The following SMCHD1 variants were observed in gnomAD, a reference collection of about 807,000 sequenced individuals.
SMCHD1 encodes the protein structural maintenance of chromosomes flexible hinge domain containing 1.
In SMCHD1, 78 loss-of-function variants were observed where a neutral mutation model predicts 254.7. The ratio of observed to expected loss-of-function variants is 0.31; its 90% CI spans 0.26 to 0.37. SMCHD1 has a LOEUF of 0.37. Ranked by LOEUF, SMCHD1 falls within the 10% of genes least tolerant of loss-of-function variation. The pLI is 1.00. For missense variants in SMCHD1, 1,840 were observed against 2,408.1 expected, an observed-to-expected ratio of 0.76 and a Z score of 4.94; for synonymous variants, 766 against 794.9, an observed-to-expected ratio of 0.96 and a Z score of 0.61.
chr18:2,788,302 T>G (rs915921806), intron 45 of SMCHD1, among the ~76,000 whole-genome samples: 2 of 152,240 alleles, frequency 1.3e-5, no homozygotes, highest in Non-Finnish European at 2.9e-5. Flanking sequence ...AATATTACGT[T>G]GCAGACACCC....
chr18:2,751,464 A>C, intron 33 of SMCHD1, 71 bp downstream of exon 33: 1 of 809,484 alleles, frequency 1.2e-6, no homozygotes, highest in Non-Finnish European at 2.0e-6. Context: ...AGTCTCCTTT[A>C]ATGTAAATAT....
At position 2,766,047 on chromosome 18, in the gene SMCHD1, GCA is replaced by G. The variant is rs35376995; in HGVS notation, c.4719+2259_4719+2260del. ...CTCACTGTCTCACCCAGGCTGGAGT[GCA>G]GTGGCGCGATTGCCCCTCACTGCAA... On this transcript the variant is annotated intron_variant, in intron 37 of 47. Coordinates refer to ENST00000320876, the MANE Select transcript of SMCHD1 (RefSeq NM_015295.3). Among the ~76,000 whole-genome samples, 491 of 150,280 alleles carry G rather than the reference GCA, an allele frequency of 3.3e-3. 1 individual carries two copies. Among genetic ancestry groups the G allele is most frequent in the Non-Finnish European group, 5.0e-3 (339 of 67,686 alleles).
At chr18:2,768,478 T>C (rs1424082232) in intron 37 of SMCHD1, among the ~76,000 whole-genome samples, 1 of 152,030 alleles carries the variant, frequency 6.6e-6, no homozygotes, top group Non-Finnish European at 1.5e-5. Context: ...CTTATACTTC[T>C]CATTATTCAT....
intron 13 of SMCHD1, 90 bp from the exon 14 acceptor site, chr18:2,705,604 A>G: frequency 2.0e-6 from 1 of 508,642 alleles, no homozygotes. Flanking sequence ...TCTTTGTAAT[A>G]AAGAAGTTCT....
intron 34 of SMCHD1, among the ~76,000 whole-genome samples, chr18:2,755,419 C>T (rs1000662047): frequency 6.6e-6 from 1 of 152,006 alleles, no homozygotes; most frequent in African/African-American, 2.4e-5. Context: ...CCTCAGCCTC[C>T]CAAAGTGCTG....
intron 1 of SMCHD1, among the ~76,000 whole-genome samples, chr18:2,659,614 G>A (rs1568059657): frequency 6.6e-6 from 1 of 152,108 alleles, no homozygotes; most frequent in South Asian, 2.1e-4. Flanking sequence ...TAAGTCCCAT[G>A]TGTGCATATC....
rs551114357 is a variant in SMCHD1, at chr18:2,663,420, G to T, written c.187-2737G>T. On this transcript the variant is annotated intron_variant, in intron 1 of 47. Transcript: ENST00000320876. ...AACCACTGTGCCTGGCCCACTGTTT[G>T]TACCTTTTCAGAAATCCCTTTATGC... Among the ~76,000 whole-genome samples, 3 of 152,076 alleles carry T rather than the reference G, an allele frequency of 2.0e-5. No individual in the cohort carries two copies. The South Asian group carries it at 6.2e-4, about 32-fold the overall frequency.
At chr18:2,764,130 T>A (rs1047764192) in intron 37 of SMCHD1, 1 of 184,128 alleles carries the variant, frequency 5.4e-6, no homozygotes, top group African/African-American at 2.4e-5. Context: ...AAACAACTTG[T>A]CTTTGTTACT....
chr18:2,720,661 G>C (rs879869322), intron 19 of SMCHD1, among the ~76,000 whole-genome samples: 1 of 152,194 alleles, frequency 6.6e-6, no homozygotes, highest in Non-Finnish European at 1.5e-5. Flanking sequence ...TGGGAACCAA[G>C]CTGAGAAAGA....
At position 2,750,485 on chromosome 18, in the gene SMCHD1, C is replaced by G. The variant is rs943615094; in HGVS notation, c.4143C>G (p.Phe1381Leu). ...TTAAATATGACAAAGATGCATCCTT[C>G]TTAGCAGGGGGTCTTTTCACTGGTG... ...LNVKYDKDAS[F>L]LAGGLFTDFM... Residue 1381 changes from phenylalanine to leucine, a missense_variant, in exon 32 of 48, where the codon TTC (phenylalanine) becomes TTG (leucine). Coordinates refer to ENST00000320876, the MANE Select transcript of SMCHD1 (RefSeq NM_015295.3). 6.2e-6 allele frequency: 10 copies of G among 1,605,294 alleles called. No individual in the cohort carries two copies. The highest frequency in any genetic ancestry group is 7.7e-6 in the Non-Finnish European group (9 of 1,175,276).
At chr18:2,702,540 A>G (rs2074426899) in intron 12 of SMCHD1, among the ~76,000 whole-genome samples, 1 of 152,100 alleles carries the variant, frequency 6.6e-6, no homozygotes, top group Admixed American at 6.6e-5. Context: ...TCTGGTTCCT[A>G]GTTACTAATT....
rs1251554237 is a variant in SMCHD1, at chr18:2,743,613, C to T, written c.3634-148C>T. ...TCTTGAAAATAAAATGCATGGCATG[C>T]CATTATTGCATGGGTGCTATTTATT... is the stretch of plus-strand genomic sequence containing the variant. On this transcript the variant is annotated intron_variant, in intron 28 of 47. Coordinates refer to ENST00000320876, the MANE Select transcript of SMCHD1 (RefSeq NM_015295.3). 81 of 458,474 alleles carry T rather than the reference C, an allele frequency of 1.8e-4. 1 individual carries two copies. In the East Asian group the frequency reaches 2.7e-3, roughly 15 times the overall value. 28.4% of individuals were successfully genotyped at this position (458,474 alleles called of 1,614,324 possible).
chr18:2,748,374 GTGTGTGTGTA>G (rs1388442500), intron 30 of SMCHD1, among the ~76,000 whole-genome samples: 825 of 52,084 alleles, frequency 0.016, 50 homozygotes, highest in South Asian at 0.036. Context: ...GTGTGTGTGT[GTGTGTGTGTA>G]TATAAATTTT....
intron 7 of SMCHD1, 24 bp from the exon 8 acceptor site, chr18:2,694,503 T>C (rs750540842): frequency 2.7e-6 from 4 of 1,507,546 alleles, no homozygotes; most frequent in Non-Finnish European, 3.6e-6. Flanking sequence ...ATTTAATCTG[T>C]TGTATTTCTG....
chr18:2,726,784 T>A (rs1405335834), intron 22 of SMCHD1: 1 of 208,466 alleles, frequency 4.8e-6, no homozygotes, highest in Non-Finnish European at 9.4e-6. Flanking sequence ...TCTTGGAATA[T>A]GTCTATTAGG....
At position 2,802,663 on chromosome 18, in the gene SMCHD1, A is replaced by G. The variant is rs2076385974; in HGVS notation, c.*111A>G. On this transcript the variant is annotated 3_prime_UTR_variant, in exon 48 of 48. Coordinates refer to ENST00000320876, the MANE Select transcript of SMCHD1 (RefSeq NM_015295.3). ...TACCAGACTGAGTATTTCTGGGGACAATACAAGTACCTGGGCATGAATTTC... is the reference window on the plus strand; with the variant it reads ...TACCAGACTGAGTATTTCTGGGGACGATACAAGTACCTGGGCATGAATTTC... The G allele has an allele frequency of 4.2e-6, 4 of 951,918 alleles. No individual in the cohort carries two copies. The highest frequency in any genetic ancestry group is 6.2e-5 in the Admixed American group (2 of 32,376). The allele number at this position is 951,918 out of a possible 1,614,324, so 59.0% of individuals were successfully genotyped here. A position where few individuals can be genotyped will look rare whatever the true frequency, so the allele number is the denominator to read the frequency against.
intron 42 of SMCHD1, among the ~76,000 whole-genome samples, chr18:2,777,551 CT>C (rs1568369477): frequency 6.6e-6 from 1 of 152,128 alleles, no homozygotes; most frequent in East Asian, 1.9e-4. Context: ...TCAAATGAAA[CT>C]GTTATTTATT....
chr18:2,660,342 A>G (rs1239688968), intron 1 of SMCHD1, among the ~76,000 whole-genome samples: 2 of 152,104 alleles, frequency 1.3e-5, no homozygotes, highest in African/African-American at 2.4e-5. Flanking sequence ...CAAACAAACA[A>G]TAATAAAATA....
chr18:2,695,419 C>T (rs2074265930), intron 8 of SMCHD1, among the ~76,000 whole-genome samples: 1 of 151,746 alleles, frequency 6.6e-6, no homozygotes, highest in African/African-American at 2.4e-5. Context: ...AAGTGATTCT[C>T]CTGCCTCAGC....
Sources: allele counts gnomAD v4.1 joint callset (sites outside exome capture counted in the v4.1 genomes callset), GRCh38; gene constraint gnomAD v4.1.1; transcripts MANE v1.5; gene names NCBI Gene and HGNC (gene_info 2026-07-23, HGNC 2026-07-21).